The following DTNA variants were observed in gnomAD, a reference collection of about 807,000 sequenced individuals.
The protein encoded by DTNA is dystrobrevin alpha.
A neutral mutation model predicts 100.7 loss-of-function variants in DTNA; 43 were observed. The ratio of observed to expected loss-of-function variants is 0.43; its 90% confidence interval spans 0.33 to 0.55. The LOEUF is 0.55. Among genes scored for constraint, DTNA ranks in the 20% least tolerant of loss-of-function variants. The pLI, the probability that DTNA is intolerant of heterozygous loss-of-function variation, is 0.04. For synonymous variants in DTNA, 349 were observed against 347.9 expected (o/e 1.00, Z -0.04); for missense variants, 798 against 953.9 (o/e 0.84, Z 2.15).
At chr18:34,564,250 C>A (rs55788581) in intron 1 of DTNA, among the ~76,000 whole-genome samples, 15,380 of 152,128 alleles carry the variant, frequency 0.1, 1,143 homozygotes, top group African/African-American at 0.2. Flanking sequence ...TAAAGTGATT[C>A]TCCTGCCTCA....
At chr18:34,757,505 TCAGA>T (rs1364937443) in intron 2 of DTNA, among the ~76,000 whole-genome samples, 1 of 152,188 alleles carries the variant, frequency 6.6e-6, no homozygotes, top group Non-Finnish European at 1.5e-5. Flanking sequence ...AAAGACTGTA[TCAGA>T]CAGCACACTG....
intron 1 of DTNA, among the ~76,000 whole-genome samples, chr18:34,718,942 A>G (rs1205664979): frequency 6.6e-6 from 1 of 152,196 alleles, no homozygotes; most frequent in Non-Finnish European, 1.5e-5. Context: ...TAAGTGCCAG[A>G]TACTGTTCTA....
intron 1 of DTNA, among the ~76,000 whole-genome samples, chr18:34,597,111 T>G (rs1020565927): frequency 2.6e-5 from 4 of 152,204 alleles, no homozygotes; most frequent in African/African-American, 9.7e-5. Context: ...TGTTCGGTTT[T>G]CTGTTCCTGT....
At chr18:34,734,081 C>T (rs1368618082) in intron 1 of DTNA, among the ~76,000 whole-genome samples, 1 of 151,972 alleles carries the variant, frequency 6.6e-6, no homozygotes, top group African/African-American at 2.4e-5. Flanking sequence ...TGTAGAGCAC[C>T]TCCTCATGGG....
At chr18:34,832,532 C>T (rs2096039826) in intron 11 of DTNA, among the ~76,000 whole-genome samples, 1 of 152,158 alleles carries the variant, frequency 6.6e-6, no homozygotes, top group South Asian at 2.1e-4. Context: ...CCTAGAGGCT[C>T]TCCTGACAAA....
intron 14 of DTNA, among the ~76,000 whole-genome samples, chr18:34,848,973 A>G (rs1231686655): frequency 6.6e-6 from 1 of 152,218 alleles, no homozygotes; most frequent in Non-Finnish European, 1.5e-5. Flanking sequence ...TGTTGCAGTT[A>G]TCAGAGCCCT....
At chr18:34,873,883 A>G (rs2096789445) in intron 17 of DTNA, among the ~76,000 whole-genome samples, 1 of 152,184 alleles carries the variant, frequency 6.6e-6, no homozygotes, top group South Asian at 2.1e-4. Context: ...CTGCAAAAAC[A>G]TCACAACCGG....
intron 1 of DTNA, chr18:34,679,615 A>T (rs2077809214): frequency 1.3e-5 from 2 of 152,152 alleles, no homozygotes; most frequent in Non-Finnish European, 2.9e-5. Context: ...AAGACAAAGA[A>T]CTTAAGATGA....
chr18:34,774,570 T>C (rs1197027472), intron 3 of DTNA, among the ~76,000 whole-genome samples: 1 of 152,226 alleles, frequency 6.6e-6, no homozygotes, highest in Non-Finnish European at 1.5e-5. Flanking sequence ...ATGCCAAGCA[T>C]TATTCTAGAT....
intron 1 of DTNA, among the ~76,000 whole-genome samples, chr18:34,690,424 A>G (rs891093175): frequency 2.6e-5 from 4 of 152,124 alleles, no homozygotes; most frequent in Admixed American, 2.6e-4. Flanking sequence ...GGGTGAGGCA[A>G]TGCCCCACCC....
In DTNA at chr18:34,594,473, GA is replaced by G. The variant is rs567275301; in HGVS notation, c.-2+100963del. ...AATTGGAAATTCTACTTTATATGGG[GA>G]AAATAAATCTGCTGACGCTGTTATT... On this transcript the variant is annotated intron_variant, in intron 1 of 19. Coordinates refer to the DTNA transcript ENST00000283365. Among the ~76,000 whole-genome samples, 4 of 152,268 alleles carry G rather than the reference GA, an allele frequency of 2.6e-5. No homozygotes were observed. In the East Asian group the frequency reaches 7.7e-4, roughly 29 times the overall value.
rs546972511 is a variant in DTNA at position 34,649,649 on chromosome 18, GT to G, written c.-1-106324del. Among the ~76,000 whole-genome samples, 465 of 152,220 alleles carry G rather than the reference GT, an allele frequency of 3.1e-3. 2 individuals are homozygous for G. The highest frequency in any genetic ancestry group is 0.011 in the African/African-American group (438 of 41,538). ...ATTTCTACAGAAAAAACTTTTGGTT[GT>G]TTCTGCCAAACACATTAATGTTTAT... On this transcript the variant is annotated intron_variant, in intron 1 of 19. Transcript: ENST00000283365.
chr18:34,729,387 CAGAG>C (rs1217902606), intron 1 of DTNA, among the ~76,000 whole-genome samples: 1 of 152,250 alleles, frequency 6.6e-6, no homozygotes, highest in Non-Finnish European at 1.5e-5. Flanking sequence ...AATCAAGAGA[CAGAG>C]AGAGACATTC....
chr18:34,654,911 G>C (rs2074140969), intron 1 of DTNA, among the ~76,000 whole-genome samples: 1 of 152,108 alleles, frequency 6.6e-6, no homozygotes, highest in Non-Finnish European at 1.5e-5. Context: ...ATTTTTCGTA[G>C]AGACGGGATT....
intron 1 of DTNA, among the ~76,000 whole-genome samples, chr18:34,531,608 G>A (rs577448662): frequency 3.9e-5 from 6 of 152,140 alleles, no homozygotes; most frequent in African/African-American, 7.2e-5. Flanking sequence ...ACTCTGCAAA[G>A]TGGGAACACA....
intron 1 of DTNA, among the ~76,000 whole-genome samples, chr18:34,654,916 G>A (rs34032074): frequency 0.06 from 9,147 of 152,030 alleles, 329 homozygotes; most frequent in Non-Finnish European, 0.075. Flanking sequence ...TCGTAGAGAC[G>A]GGATTTCACC....
At chr18:34,832,851 G>C (rs572186297) in intron 11 of DTNA, among the ~76,000 whole-genome samples, 1 of 152,050 alleles carries the variant, frequency 6.6e-6, no homozygotes, top group African/African-American at 2.4e-5. Flanking sequence ...ATTTAAGTTA[G>C]TGTGATGGCC....
At chr18:34,840,967 T>A (rs2096256728) in intron 13 of DTNA, among the ~76,000 whole-genome samples, 1 of 152,146 alleles carries the variant, frequency 6.6e-6, no homozygotes, top group African/African-American at 2.4e-5. Flanking sequence ...TTTACCATCA[T>A]TAAGTTACAG....
chr18:34,556,175 A>G (rs1029204673), intron 1 of DTNA, among the ~76,000 whole-genome samples: 2 of 151,390 alleles, frequency 1.3e-5, no homozygotes, highest in African/African-American at 4.9e-5. Context: ...CTGTTTTATC[A>G]GAGACTAGGA....
Sources: allele counts gnomAD v4.1 joint callset (sites outside exome capture counted in the v4.1 genomes callset), GRCh38; gene constraint gnomAD v4.1.1; transcripts MANE v1.5; gene names NCBI Gene and HGNC (gene_info 2026-07-23, HGNC 2026-07-21).